The following RTN4 variants were observed in gnomAD, a reference collection of about 807,000 sequenced individuals.
RTN4 encodes reticulon-4.
A neutral mutation model predicts 90.4 loss-of-function variants in RTN4; 32 were observed. That is an observed-to-expected ratio of 0.35 (90% CI 0.27 to 0.48). The LOEUF is 0.48. Among genes scored for constraint, RTN4 ranks in the 20% least tolerant of loss-of-function variants. The pLI is 0.99. For missense variants in RTN4, 1,706 were observed against 1,430.2 expected (o/e 1.19, Z -3.11); for synonymous variants, 629 against 552.5 (o/e 1.14, Z -1.94).
intron 2 of RTN4, among the ~76,000 whole-genome samples, chr2:55,067,733 C>T (rs1252919989): frequency 6.6e-6 from 1 of 152,050 alleles, no homozygotes; most frequent in East Asian, 1.9e-4. Flanking sequence ...AATTTATATT[C>T]TTCTAGATCA....
chr2:55,129,328 T>A, the RTN4 span, among the ~76,000 whole-genome samples: 1 of 151,800 alleles, frequency 6.6e-6, no homozygotes, highest in Non-Finnish European at 1.5e-5. Context: ...AATCCCAGCA[T>A]TTTGGAAGGC....
intron 1 of RTN4, among the ~76,000 whole-genome samples, chr2:55,043,799 T>C (rs1379721326): frequency 2.0e-5 from 3 of 151,740 alleles, no homozygotes; most frequent in African/African-American, 7.3e-5. Flanking sequence ...GGCAGGAGAA[T>C]TGCTGGAACC....
chr2:54,998,700 C>A (rs766799812), intron 3 of RTN4, among the ~76,000 whole-genome samples: 2 of 152,062 alleles, frequency 1.3e-5, no homozygotes, highest in Admixed American at 6.6e-5. Context: ...GTCTGAATAG[C>A]GGCCAGATTA....
chr2:55,000,412 C>T (rs1287076121), intron 3 of RTN4, among the ~76,000 whole-genome samples: 1 of 152,134 alleles, frequency 6.6e-6, no homozygotes, highest in Non-Finnish European at 1.5e-5. Flanking sequence ...GATAACGTTA[C>T]AGTGCTTTGG....
chr2:55,015,758 A>T (rs1314720569), intron 3 of RTN4, among the ~76,000 whole-genome samples: 2 of 152,234 alleles, frequency 1.3e-5, no homozygotes, highest in African/African-American at 4.8e-5. Flanking sequence ...AAACAGCACT[A>T]GGCAGCTGGA....
intron 2 of RTN4, among the ~76,000 whole-genome samples, chr2:55,063,210 A>G (rs1335434901): frequency 1.3e-5 from 2 of 152,264 alleles, no homozygotes; most frequent in Non-Finnish European, 2.9e-5. Flanking sequence ...TAATTTTGGT[A>G]AATTATATTT....
intron 1 of RTN4, among the ~76,000 whole-genome samples, chr2:55,041,334 T>G (rs183030136): frequency 4.7e-4 from 72 of 152,072 alleles, no homozygotes; most frequent in African/African-American, 1.7e-3. Context: ...CTCCCCAAAA[T>G]TAATCCATAA....
intron 1 of RTN4, among the ~76,000 whole-genome samples, chr2:55,036,362 G>A (rs370687167): frequency 6.6e-6 from 1 of 151,962 alleles, no homozygotes; most frequent in Non-Finnish European, 1.5e-5. Context: ...AGCACTTTGG[G>A]AGGCTGAGGT....
At chr2:54,975,893 A>G (rs1455242878) in intron 5 of RTN4, among the ~76,000 whole-genome samples, 2 of 152,196 alleles carry the variant, frequency 1.3e-5, no homozygotes, top group Non-Finnish European at 2.9e-5. Context: ...GGCATTCTTA[A>G]TATCTGTCAA....
At chr2:54,982,460 C>A (rs778944631) in intron 5 of RTN4, 55 bp downstream of exon 5, 1 of 1,479,502 alleles carries the variant, frequency 6.8e-7, no homozygotes, top group African/African-American at 1.4e-5. Flanking sequence ...TTACACTCAA[C>A]TCTCTTGATA....
intron 2 of RTN4, among the ~76,000 whole-genome samples, chr2:55,077,625 C>T (rs1410896348): frequency 2.0e-5 from 3 of 151,946 alleles, no homozygotes; most frequent in Non-Finnish European, 2.9e-5. Context: ...GGTATCTACC[C>T]AGAGGAAAAG....
intron 1 of RTN4, among the ~76,000 whole-genome samples, chr2:55,080,871 A>G (rs1178701118): frequency 1.3e-5 from 2 of 152,232 alleles, no homozygotes; most frequent in Non-Finnish European, 1.5e-5. Flanking sequence ...GTTGATTTGA[A>G]AGAACTAATT....
intron 1 of RTN4, among the ~76,000 whole-genome samples, chr2:55,086,494 C>T (rs929076043): frequency 3.1e-4 from 9 of 29,132 alleles, no homozygotes; most frequent in African/African-American, 8.2e-4. Context: ...GATCTAATCT[C>T]TACAAAAAAA....
chr2:55,016,624 A>C (rs967763308), intron 3 of RTN4, among the ~76,000 whole-genome samples: 1 of 152,094 alleles, frequency 6.6e-6, no homozygotes, highest in Admixed American at 6.6e-5. Flanking sequence ...TTGAAAGTAG[A>C]CTAGAATAAT....
At position 55,042,546 on chromosome 2, in the gene RTN4, G is replaced by A. The variant is rs188331437; in HGVS notation, c.556+7199C>T. 8.2e-3 allele frequency among the ~76,000 whole-genome samples: 1,250 copies of A among 152,276 alleles called. 13 individuals carry two copies. The highest frequency in any genetic ancestry group is 0.029 in the African/African-American group (1,199 of 41,558). On this transcript the variant is annotated intron_variant, in intron 1 of 8. Transcript: ENST00000337526. ...ACAGATACTCAAGAAACTACTAACA[G>A]AGGGTGGATCTACAGAAGACAATTT... is the stretch of plus-strand genomic sequence containing the variant.
intron 5 of RTN4, among the ~76,000 whole-genome samples, chr2:54,975,225 A>C (rs1677524669): frequency 6.6e-6 from 1 of 152,236 alleles, no homozygotes; most frequent in Admixed American, 6.5e-5. Flanking sequence ...CTTATCAGGG[A>C]AATTACGTTT....
intron 5 of RTN4, among the ~76,000 whole-genome samples, chr2:54,979,830 G>T (rs1038874579): frequency 2.0e-5 from 3 of 152,130 alleles, no homozygotes; most frequent in Admixed American, 6.6e-5. Context: ...TTACTTATTT[G>T]CAGTCCTAAA....
intron 1 of RTN4, among the ~76,000 whole-genome samples, chr2:55,029,620 A>G (rs1223718908): frequency 1.3e-5 from 2 of 152,204 alleles, no homozygotes; most frequent in African/African-American, 4.8e-5. Flanking sequence ...TTCCAAGCAT[A>G]TTACCCTTAA....
chr2:55,046,011 G>A (rs913335163), intron 1 of RTN4, among the ~76,000 whole-genome samples: 2 of 152,170 alleles, frequency 1.3e-5, no homozygotes, highest in Admixed American at 6.5e-5. Context: ...ACTGCATTGC[G>A]ATGGAGATGC....
Sources: allele counts gnomAD v4.1 joint callset (sites outside exome capture counted in the v4.1 genomes callset), GRCh38; gene constraint gnomAD v4.1.1; transcripts MANE v1.5; gene names NCBI Gene and HGNC (gene_info 2026-07-23, HGNC 2026-07-21).